Variants in ZBTB38 observed in about 807,000 individuals in gnomAD.
The protein encoded by ZBTB38 is zinc finger and BTB domain containing 38.
ZBTB38 carries 20 observed loss-of-function variants against 76.8 expected under a neutral mutation model. The observed-to-expected ratio is 0.26, with a 90% CI of 0.18 to 0.38. The LOEUF is 0.38. ZBTB38 is among the 10% of genes least tolerant of loss of function. The pLI, the probability that ZBTB38 is intolerant of heterozygous loss-of-function variation, is 1.00. For missense variants in ZBTB38, 1,082 were observed against 1,482.3 expected (o/e 0.73, Z 4.43); for synonymous variants, 504 against 544.2 (o/e 0.93, Z 1.03).
At chr3:141,391,572 T>C (rs1437909788) in intron 4 of ZBTB38, among the ~76,000 whole-genome samples, 3 of 152,160 alleles carry the variant, frequency 2.0e-5, no homozygotes, top group Admixed American at 6.5e-5. Context: ...GAAGGTAGAG[T>C]ACATTGCAGT....
intron 4 of ZBTB38, among the ~76,000 whole-genome samples, chr3:141,390,762 A>G (rs1362625178): frequency 6.6e-6 from 1 of 152,240 alleles, no homozygotes; most frequent in Middle Eastern, 3.2e-3. Flanking sequence ...CATGCCAGGC[A>G]TATTCCAGAG....
At chr3:141,430,588 G>T (rs2077277135) in intron 5 of ZBTB38, among the ~76,000 whole-genome samples, 1 of 152,184 alleles carries the variant, frequency 6.6e-6, no homozygotes, top group South Asian at 2.1e-4. Context: ...TATCCAGGAA[G>T]TACCAATGTA....
chr3:141,425,921 A>G (rs2076294092), intron 5 of ZBTB38, among the ~76,000 whole-genome samples: 1 of 152,220 alleles, frequency 6.6e-6, no homozygotes, highest in Admixed American at 6.5e-5. Context: ...TAAAATGAGA[A>G]AGATTGCTGT....
At chr3:141,333,877 G>T (rs959690694) in intron 1 of ZBTB38, among the ~76,000 whole-genome samples, 1 of 151,342 alleles carries the variant, frequency 6.6e-6, no homozygotes, top group Non-Finnish European at 1.5e-5. Context: ...CTCACAGTGT[G>T]GATCTTACAG....
At chr3:141,434,198 A>G (rs756880144) in intron 5 of ZBTB38, 46 of 985,308 alleles carry the variant, frequency 4.7e-5, no homozygotes, top group African/African-American at 5.2e-5. Flanking sequence ...GAACAAGGCT[A>G]TGCAGATAAG....
At chr3:141,414,493 T>C (rs1000311797) in intron 5 of ZBTB38, among the ~76,000 whole-genome samples, 1 of 152,204 alleles carries the variant, frequency 6.6e-6, no homozygotes, top group Non-Finnish European at 1.5e-5. Flanking sequence ...CTATGTCCAT[T>C]TCATACAGGC....
intron 2 of ZBTB38, among the ~76,000 whole-genome samples, chr3:141,372,718 G>C: frequency 6.6e-6 from 1 of 152,036 alleles, no homozygotes; most frequent in East Asian, 1.9e-4. Flanking sequence ...GCAGTTGAAG[G>C]AATAAGTTAA....
chr3:141,408,249 G>A (rs2149755920), intron 5 of ZBTB38, among the ~76,000 whole-genome samples: 1 of 152,288 alleles, frequency 6.6e-6, no homozygotes, highest in South Asian at 2.1e-4. Flanking sequence ...CCATTTTATA[G>A]ATGAAAAAAT....
chr3:141,342,441 A>G (rs760832150), intron 1 of ZBTB38, among the ~76,000 whole-genome samples: 2 of 151,780 alleles, frequency 1.3e-5, no homozygotes, highest in Non-Finnish European at 2.9e-5. Flanking sequence ...AGCAACAAGT[A>G]TATACGTTTA....
At chr3:141,347,555 TC>T (rs1943399649) in intron 1 of ZBTB38, among the ~76,000 whole-genome samples, 1 of 152,356 alleles carries the variant, frequency 6.6e-6, no homozygotes, top group African/African-American at 2.4e-5. Context: ...CCTACTCTGC[TC>T]TTTGTCTTAC....
chr3:141,448,558 A>T lies in ZBTB38; in HGVS notation c.*2582A>T, dbSNP rs2081269841. The T allele has an allele frequency of 6.6e-6, 1 of 152,498 alleles. No individual in the cohort carries two copies. The highest frequency in any genetic ancestry group is 2.1e-4 in the South Asian group (1 of 4,834). 9.4% of individuals were successfully genotyped at this position (152,498 alleles called of 1,614,324 possible). On this transcript the variant is annotated 3_prime_UTR_variant, in exon 6 of 6. Transcript: ENST00000321464. ...ACATACTGTATGCTGTACAAGATAT[A>T]ATGTAACTTGCTGTTTTAGCATCTG... is the stretch of plus-strand genomic sequence containing the variant.
At chr3:141,328,072 G>A (rs1942727877) in intron 1 of ZBTB38, among the ~76,000 whole-genome samples, 1 of 152,114 alleles carries the variant, frequency 6.6e-6, no homozygotes, top group Non-Finnish European at 1.5e-5. Context: ...GAAAAGGTAA[G>A]GTAATTCATC....
intron 1 of ZBTB38, among the ~76,000 whole-genome samples, chr3:141,334,084 T>C: frequency 6.6e-6 from 1 of 152,162 alleles, no homozygotes; most frequent in East Asian, 1.9e-4. Context: ...CGCATACATC[T>C]CTCAGGAAGC....
At chr3:141,406,571 C>T (rs192800797) in intron 5 of ZBTB38, among the ~76,000 whole-genome samples, 4 of 152,190 alleles carry the variant, frequency 2.6e-5, no homozygotes, top group East Asian at 1.9e-4. Context: ...GGGGGCTTTG[C>T]GCTCCACAAG....
intron 3 of ZBTB38, among the ~76,000 whole-genome samples, chr3:141,385,628 T>G (rs1946869548): frequency 6.7e-6 from 1 of 148,760 alleles, no homozygotes; most frequent in Non-Finnish European, 1.5e-5. Flanking sequence ...TGTTAAACAT[T>G]TCATTGCAAT....
At chr3:141,350,838 T>C (rs1264746659) in intron 1 of ZBTB38, among the ~76,000 whole-genome samples, 1 of 152,336 alleles carries the variant, frequency 6.6e-6, no homozygotes, top group Non-Finnish European at 1.5e-5. Flanking sequence ...GGTAAGAACA[T>C]TCCTTTCCTC....
chr3:141,347,855 T>A (rs906757914), intron 1 of ZBTB38, among the ~76,000 whole-genome samples: 1 of 152,240 alleles, frequency 6.6e-6, no homozygotes. Context: ...AGTGACTTCC[T>A]GCTGTCACTA....
At chr3:141,409,728 T>C (rs1956002037) in intron 5 of ZBTB38, among the ~76,000 whole-genome samples, 1 of 152,252 alleles carries the variant, frequency 6.6e-6, no homozygotes, top group South Asian at 2.1e-4. Context: ...AGTTCCACAC[T>C]GATCAGATCA....
intron 1 of ZBTB38, among the ~76,000 whole-genome samples, chr3:141,354,541 GCT>G (rs1943608282): frequency 6.6e-6 from 1 of 152,024 alleles, no homozygotes; most frequent in African/African-American, 2.4e-5. Flanking sequence ...CCTCCTAGAA[GCT>G]CTCTTCCAGG....
Sources: allele counts gnomAD v4.1 joint callset (sites outside exome capture counted in the v4.1 genomes callset), GRCh38; gene constraint gnomAD v4.1.1; transcripts MANE v1.5; gene names NCBI Gene and HGNC (gene_info 2026-07-23, HGNC 2026-07-21).